Variants in ACTN2 observed in about 807,000 individuals in gnomAD.
ACTN2 encodes alpha-actinin-2.
In ACTN2, 39 loss-of-function variants were observed where a neutral mutation model predicts 113.8. That is an observed-to-expected ratio of 0.34 (90% CI 0.27 to 0.45). The LOEUF (loss-of-function observed/expected upper bound fraction) is 0.45, where lower values mean the gene tolerates loss of function less well. Among genes scored for constraint, ACTN2 ranks in the 20% least tolerant of loss-of-function variants. ACTN2 has a pLI of 1.00. For synonymous variants in ACTN2, 429 were observed against 444.1 expected, an observed-to-expected ratio of 0.97 and a Z score of 0.43; for missense variants, 992 against 1,177.9, an observed-to-expected ratio of 0.84 and a Z score of 2.31.
At chr1:236,734,437 A>G in intron 7 of ACTN2, 1 of 1,534,256 alleles carries the variant, frequency 6.5e-7, no homozygotes. Context: ...ACACAGATTT[A>G]GTATACACTG....
intron 1 of ACTN2, among the ~76,000 whole-genome samples, chr1:236,699,605 C>T (rs888505641): frequency 1.3e-5 from 2 of 152,124 alleles, no homozygotes; most frequent in African/African-American, 2.4e-5. Flanking sequence ...GAGGCAGGAG[C>T]ATAGATTAGA....
At chr1:236,733,472 T>A (rs1334242473) in intron 7 of ACTN2, among the ~76,000 whole-genome samples, 1 of 152,344 alleles carries the variant, frequency 6.6e-6, no homozygotes, top group South Asian at 2.1e-4. Flanking sequence ...GTTAGCACTG[T>A]GTTCATTTCC....
intron 1 of ACTN2, among the ~76,000 whole-genome samples, chr1:236,707,612 T>C (rs1462058915): frequency 6.6e-6 from 1 of 152,090 alleles, no homozygotes; most frequent in Non-Finnish European, 1.5e-5. Flanking sequence ...TAGTCGCTTA[T>C]AATCCATCAT....
At chr1:236,726,637 A>C (rs945146006) in intron 5 of ACTN2, among the ~76,000 whole-genome samples, 12 of 152,196 alleles carry the variant, frequency 7.9e-5, no homozygotes, top group African/African-American at 2.9e-4. Context: ...ATGCTAGGTT[A>C]CCCATGAATG....
chr1:236,734,343 T>C (rs1658802509), intron 7 of ACTN2: 2 of 884,024 alleles, frequency 2.3e-6, no homozygotes, highest in South Asian at 3.6e-5. Flanking sequence ...AGGGGGAGGA[T>C]TCCTGATTCC....
chr1:236,713,402 T>C (rs1658106422), intron 1 of ACTN2, among the ~76,000 whole-genome samples: 1 of 152,138 alleles, frequency 6.6e-6, no homozygotes, highest in Non-Finnish European at 1.5e-5. Flanking sequence ...TAGTCTTGTA[T>C]TTTTTGTAGA....
Position 236,735,695 on chromosome 1 carries a change from A to G in ACTN2, c.758A>G (p.Tyr253Cys). The G allele has an allele frequency of 6.2e-7, 1 of 1,614,134 alleles. No homozygotes were observed. Among genetic ancestry groups the G allele is most frequent in the Non-Finnish European group, 8.5e-7 (1 of 1,180,030 alleles). Residue 253 changes from tyrosine to cysteine, a missense_variant, in exon 8 of 21, where the codon TAC becomes TGC. Coordinates refer to ENST00000366578, the MANE Select transcript of ACTN2 (RefSeq NM_001103.4). ...ATCATGACGTACGTCTCTTGCTTCT[A>G]CCACGCTTTTGCGGGCGCGGAGCAG... ...RAIMTYVSCFYHAFAGAEQAE... is the reference protein window; with the variant it reads ...RAIMTYVSCFCHAFAGAEQAE...
In ACTN2 at chr1:236,747,694, TG is replaced by T; in HGVS notation, c.1435del (p.Val479SerfsTer26). 6.2e-7 allele frequency: 1 copy of T among 1,614,178 alleles called. No homozygotes were observed. The highest frequency in any genetic ancestry group is 8.5e-7 in the Non-Finnish European group (1 of 1,179,986). On this transcript the variant is annotated frameshift_variant, in exon 13 of 21. Coordinates refer to ENST00000366578, the MANE Select transcript of ACTN2 (RefSeq NM_001103.4). LOFTEE classifies it high-confidence loss of function. ...AACTGGACTATCACGACGCTGTGAA[TG>T]TCAATGATCGGTGCCAGAAAATTTG... ...NELDYHDAVNVNDRCQKICDQ... is the reference protein window; with the variant it reads ...NELDYHDAVNXNDRCQKICDQ...
intron 1 of ACTN2, among the ~76,000 whole-genome samples, chr1:236,709,329 T>TATATATATACGTGTATATATATACAC (rs1491548644): frequency 2.4e-5 from 3 of 127,350 alleles, no homozygotes; most frequent in South Asian, 2.4e-4. Context: ...TATATATACA[T>TATATATATACGTGTATATATATACAC]GTATATATAT....
intron 7 of ACTN2, 56 bp downstream of exon 7, chr1:236,731,370 A>G: frequency 7.1e-7 from 1 of 1,409,888 alleles, no homozygotes; most frequent in Non-Finnish European, 1.0e-6. Context: ...TACAAATGTT[A>G]TGGCTACACA....
At chr1:236,720,626 T>G (rs1196450271) in intron 4 of ACTN2, among the ~76,000 whole-genome samples, 1 of 152,186 alleles carries the variant, frequency 6.6e-6, no homozygotes, top group Non-Finnish European at 1.5e-5. Context: ...TTTTTTCTTC[T>G]TTTTCTTTTT....
At position 236,747,956 on chromosome 1, in the gene ACTN2, G is replaced by A. The variant is rs968382513; in HGVS notation, c.1515+181G>A. The A allele has an allele frequency of 4.8e-6, 3 of 618,998 alleles. No homozygotes were observed. The African/African-American group carries it at 5.6e-5, about 11-fold the overall frequency. 38.3% of individuals were successfully genotyped at this position (618,998 alleles called of 1,614,324 possible). On this transcript the variant is annotated intron_variant, in intron 13 of 20. Transcript: ENST00000366578. Reference sequence around the variant, plus strand: ...AATGGGAAGTTGGGAGCTTTGTGCTGTAATTTATCCAGACAGCAGCGAAGT... The same window carrying A: ...AATGGGAAGTTGGGAGCTTTGTGCTATAATTTATCCAGACAGCAGCGAAGT...
chr1:236,695,563 T>TCCCCCCCC (rs71559972), intron 1 of ACTN2, among the ~76,000 whole-genome samples: 2 of 100,824 alleles, frequency 2.0e-5, no homozygotes, highest in East Asian at 2.7e-4. Context: ...TGAAATGAGT[T>TCCCCCCCC]CCCCCCCCCT....
chr1:236,740,589 G>A (rs867535193), intron 10 of ACTN2, among the ~76,000 whole-genome samples: 5 of 151,584 alleles, frequency 3.3e-5, no homozygotes, highest in African/African-American at 9.7e-5. Flanking sequence ...CTGGAGTGCA[G>A]TGGCACGATC....
intron 17 of ACTN2, 53 bp from the exon 18 acceptor site, chr1:236,757,433 A>G: frequency 6.2e-7 from 1 of 1,611,228 alleles, no homozygotes; most frequent in Non-Finnish European, 8.5e-7. Flanking sequence ...AAAGAGGCAG[A>G]GTTGACATGC....
chr1:236,730,908 T>C (rs1422936901), intron 6 of ACTN2, among the ~76,000 whole-genome samples: 2 of 152,226 alleles, frequency 1.3e-5, no homozygotes, highest in African/African-American at 2.4e-5. Flanking sequence ...TTTCATTATT[T>C]AGAATGATTT....
rs368984334 is a variant in ACTN2 at position 236,749,255 on chromosome 1, G to A, written c.1647G>A (p.Glu549=). 6.2e-7 allele frequency: 1 copy of A among 1,614,024 alleles called. No individual in the cohort carries two copies. Among genetic ancestry groups the A allele is most frequent in the Non-Finnish European group, 8.5e-7 (1 of 1,180,036 alleles). The stretch of plus-strand genomic sequence containing the variant: ...ATATGTTCATTGTCCACAGCATTGA[G>A]GAGATCCAGGTAATGGAACCGCAAC... ...LQDMFIVHSI[E]EIQSLITAHE... The change falls in exon 14 of 21, where the codon GAG becomes GAA. Residue 549 remains glutamate (E), a synonymous_variant. Transcript: ENST00000366578.
At chr1:236,715,358 T>G (rs367725287) in intron 1 of ACTN2, among the ~76,000 whole-genome samples, 4 of 134,250 alleles carry the variant, frequency 3.0e-5, no homozygotes, top group Non-Finnish European at 3.1e-5. Flanking sequence ...AACCTATTAC[T>G]CATTCAAAAA....
intron 1 of ACTN2, among the ~76,000 whole-genome samples, chr1:236,717,029 T>G (rs901890937): frequency 6.6e-6 from 1 of 150,762 alleles, no homozygotes; most frequent in East Asian, 2.0e-4. Context: ...GAGACGGGGT[T>G]TTACCATGTT....
Sources: gnomAD v4.1 joint callset for allele counts (sites outside exome capture counted in the v4.1 genomes callset) on GRCh38, gnomAD v4.1.1 for gene constraint, MANE v1.5 for transcripts, NCBI Gene and HGNC (gene_info 2026-07-23, HGNC 2026-07-21) for gene names.